Variants in TWIST2 observed in about 807,000 individuals in gnomAD.
The protein encoded by TWIST2 is twist family bHLH transcription factor 2.
In TWIST2, 1 loss-of-function variant was observed where a neutral mutation model predicts 11.6. That is an observed-to-expected ratio of 0.09 (90% CI 0.03 to 0.41). The LOEUF (loss-of-function observed/expected upper bound fraction) is 0.41. TWIST2 is among the 10% of genes least tolerant of loss of function. TWIST2 has a pLI of 0.98. For synonymous variants in TWIST2, 87 were observed against 96.6 expected, an observed-to-expected ratio of 0.90 and a Z score of 0.58; for missense variants, 168 against 226.4, an observed-to-expected ratio of 0.74 and a Z score of 1.66.
At chr2:238,887,642 T>C (rs1263055582) in intron 1 of TWIST2, among the ~76,000 whole-genome samples, 1 of 152,056 alleles carries the variant, frequency 6.6e-6, no homozygotes, top group African/African-American at 2.4e-5. Flanking sequence ...TTCCAGCCAA[T>C]GAGATTTGGG....
At chr2:238,857,793 C>T (rs1692357910) in intron 1 of TWIST2, among the ~76,000 whole-genome samples, 1 of 151,972 alleles carries the variant, frequency 6.6e-6, no homozygotes, top group South Asian at 2.1e-4. Flanking sequence ...AAAAATTAGC[C>T]ACGTGTGGTG....
intron 1 of TWIST2, among the ~76,000 whole-genome samples, chr2:238,892,638 G>T (rs989061958): frequency 1.3e-5 from 1 of 76,506 alleles, no homozygotes; most frequent in Admixed American, 1.3e-4. Flanking sequence ...CCACCACCAC[G>T]CCTGGCTAAT....
Position 238,893,903 on chromosome 2 carries a change from G to C in TWIST2, c.*36-15939G>C, listed in dbSNP as rs1457099403. Among the ~76,000 whole-genome samples the C allele has an allele frequency of 2.6e-5, 4 of 152,228 alleles. No individual in the cohort carries two copies. In the East Asian group the frequency reaches 7.7e-4, roughly 29 times the overall value. On this transcript the variant is annotated intron_variant, in intron 1 of 1. Coordinates refer to ENST00000612363, the MANE Select transcript of TWIST2 (RefSeq NM_001271893.4). Reference sequence around the variant, plus strand: ...CGACGCGCCGTCCTCCTGCTAGCAGGGGGTGGTGCTCTCCAGCCCTCCCTT... The same window carrying C: ...CGACGCGCCGTCCTCCTGCTAGCAGCGGGTGGTGCTCTCCAGCCCTCCCTT...
chr2:238,863,578 C>A lies in TWIST2; in HGVS notation c.*35+14845C>A, dbSNP rs1288240684. On this transcript the variant is annotated intron_variant, in intron 1 of 1. Coordinates refer to ENST00000612363, the MANE Select transcript of TWIST2 (RefSeq NM_001271893.4). This position sits in a 1 kb window ranked among gnomAD's most constrained non-coding sequence, Gnocchi z 4.7. Reference sequence around the variant, plus strand: ...ATCCTCACACTGTTAGTGTTAGCATCCTCATTTCTTCTGCCTTTTTTTCAC... The same window carrying A: ...ATCCTCACACTGTTAGTGTTAGCATACTCATTTCTTCTGCCTTTTTTTCAC... Among the ~76,000 whole-genome samples, 2 of 152,122 alleles carry A rather than the reference C, an allele frequency of 1.3e-5. No individual in the cohort carries two copies. Among genetic ancestry groups the A allele is most frequent in the African/African-American group, 2.4e-5 (1 of 41,412 alleles).
At chr2:238,871,384 A>C in intron 1 of TWIST2, among the ~76,000 whole-genome samples, 1 of 56,984 alleles carries the variant, frequency 1.8e-5, no homozygotes, top group African/African-American at 7.4e-5. Flanking sequence ...CAAACCACAC[A>C]CCCCATGCAC....
In TWIST2 at chr2:238,864,358, GT is replaced by G. The variant is rs1446417480; in HGVS notation, c.*35+15627del. Reference sequence around the variant, plus strand: ...AGAAACCAAGAGGTTAACTGCCAGGGTTAGTCCCCTCCGCGGGCCTCCTGCA... The same window carrying G: ...AGAAACCAAGAGGTTAACTGCCAGGGTAGTCCCCTCCGCGGGCCTCCTGCA... On this transcript the variant is annotated intron_variant, in intron 1 of 1. Transcript: ENST00000612363. This position sits in a 1 kb window ranked among gnomAD's most constrained non-coding sequence, Gnocchi z 4.7. 6.6e-6 allele frequency among the ~76,000 whole-genome samples: 1 copy of G among 152,248 alleles called. No homozygotes were observed. Among genetic ancestry groups the G allele is most frequent in the African/African-American group, 2.4e-5 (1 of 41,474 alleles).
At chr2:238,900,100 G>T (rs1693251069) in intron 1 of TWIST2, among the ~76,000 whole-genome samples, 1 of 152,166 alleles carries the variant, frequency 6.6e-6, no homozygotes, top group Non-Finnish European at 1.5e-5. Context: ...AAAACAAGCG[G>T]GTTTGTTATT....
chr2:238,852,311 C>T (rs545744550), intron 1 of TWIST2, among the ~76,000 whole-genome samples: 194 of 152,256 alleles, frequency 1.3e-3, no homozygotes, highest in South Asian at 2.1e-3. Flanking sequence ...TTAATCTATT[C>T]TCACTGGTGT....
chr2:238,855,059 A>G (rs1574745851), intron 1 of TWIST2, among the ~76,000 whole-genome samples: 1 of 152,100 alleles, frequency 6.6e-6, no homozygotes, highest in African/African-American at 2.4e-5. Flanking sequence ...TACTTCCACA[A>G]CTCAGACTTT....
chr2:238,883,925 C>G (rs1214725138), intron 1 of TWIST2, among the ~76,000 whole-genome samples: 1 of 152,154 alleles, frequency 6.6e-6, no homozygotes, highest in African/African-American at 2.4e-5. Context: ...AAGCCGGAGT[C>G]GTGAGCCGCG....
intron 1 of TWIST2, among the ~76,000 whole-genome samples, chr2:238,907,754 CACAAAA>C (rs1163251914): frequency 7.8e-6 from 1 of 127,818 alleles, no homozygotes; most frequent in Admixed American, 7.6e-5. Context: ...ACAACACACA[CACAAAA>C]ACACACAAAC....
chr2:238,848,188 C>G lies in TWIST2; in HGVS notation c.-28C>G. The stretch of plus-strand genomic sequence containing the variant: ...GCGCGCGCTCGGCGCCCCGGCGCCC[C>G]CAGCCCCACGCGCGCCGGGCGGGCG... On this transcript the variant is annotated 5_prime_UTR_variant, in exon 1 of 2. Coordinates refer to ENST00000612363, the MANE Select transcript of TWIST2 (RefSeq NM_001271893.4). The G allele has an allele frequency of 7.9e-7, 1 of 1,262,524 alleles. No homozygotes were observed. The highest frequency in any genetic ancestry group is 9.9e-7 in the Non-Finnish European group (1 of 1,006,342). 78.2% of individuals were successfully genotyped at this position (1,262,524 alleles called of 1,614,324 possible).
chr2:238,894,601 C>G (rs1693185957), intron 1 of TWIST2, among the ~76,000 whole-genome samples: 1 of 152,222 alleles, frequency 6.6e-6, no homozygotes, highest in Non-Finnish European at 1.5e-5. Flanking sequence ...CAAACCTTTC[C>G]TGGCCTCCTT....
chr2:238,863,454 C>T lies in TWIST2; in HGVS notation c.*35+14721C>T, dbSNP rs1001788581. ...CGCGGCTCCCTGATGGAGCTGGCGA[C>T]GTCCTTTGGCAGTGAGGGCTGTGCG... On this transcript the variant is annotated intron_variant, in intron 1 of 1. Coordinates refer to ENST00000612363, the MANE Select transcript of TWIST2 (RefSeq NM_001271893.4). This position sits in a 1 kb window ranked among gnomAD's most constrained non-coding sequence, Gnocchi z 4.7. Among the ~76,000 whole-genome samples, 8 of 152,192 alleles carry T rather than the reference C, an allele frequency of 5.3e-5. No individual in the cohort carries two copies. Among genetic ancestry groups the T allele is most frequent in the Non-Finnish European group, 1.0e-4 (7 of 68,036 alleles).
intron 1 of TWIST2, among the ~76,000 whole-genome samples, chr2:238,871,172 CACCA>C (rs1159368250): frequency 1.6e-3 from 25 of 15,156 alleles, no homozygotes; most frequent in Middle Eastern, 0.026. Context: ...CCCACACACA[CACCA>C]CACACCCCAC....
At chr2:238,879,283 T>C (rs1334202638) in intron 1 of TWIST2, among the ~76,000 whole-genome samples, 5 of 150,600 alleles carry the variant, frequency 3.3e-5, no homozygotes, top group African/African-American at 1.2e-4. Flanking sequence ...GGGGTGGGGG[T>C]AGAACATCAG....
intron 1 of TWIST2, among the ~76,000 whole-genome samples, chr2:238,878,179 C>T (rs1319922895): frequency 2.0e-5 from 3 of 152,098 alleles, no homozygotes; most frequent in African/African-American, 7.2e-5. Flanking sequence ...TCTCATGGTG[C>T]CCTCTCCCCC....
chr2:238,898,686 G>T (rs1034162748), intron 1 of TWIST2, among the ~76,000 whole-genome samples: 5 of 152,214 alleles, frequency 3.3e-5, no homozygotes, highest in Admixed American at 6.5e-5. Flanking sequence ...ACCACTGTGG[G>T]GAGAAGGCAC....
intron 1 of TWIST2, among the ~76,000 whole-genome samples, chr2:238,869,426 G>C (rs889964307): frequency 6.6e-6 from 1 of 152,200 alleles, no homozygotes; most frequent in African/African-American, 2.4e-5. Flanking sequence ...CTGTGGAATG[G>C]GAGAAAGTAT....
Sources: allele counts gnomAD v4.1 joint callset (sites outside exome capture counted in the v4.1 genomes callset), GRCh38; gene constraint gnomAD v4.1.1; non-coding constraint Gnocchi (gnomAD v3.1); transcripts MANE v1.5; gene names NCBI Gene and HGNC (gene_info 2026-07-23, HGNC 2026-07-21).